ZFHX3: variants seen among roughly 807,000 people sequenced by gnomAD.
ZFHX3 encodes the protein zinc finger homeobox 3.
Under a neutral mutation model 279.1 loss-of-function variants are expected in ZFHX3, and 42 were observed. That is an observed-to-expected ratio of 0.15 (90% CI 0.12 to 0.19). The LOEUF (loss-of-function observed/expected upper bound fraction) is 0.19, where lower values mean the gene tolerates loss of function less well. Ranked by LOEUF, ZFHX3 falls within the 10% of genes least tolerant of loss-of-function variation. ZFHX3 has a pLI of 1.00. For synonymous variants in ZFHX3, 2,293 were observed against 1,957.8 expected (o/e 1.17, Z -4.52); for missense variants, 4,981 against 4,754.0 (o/e 1.05, Z -1.40).
intron 8 of ZFHX3, among the ~76,000 whole-genome samples, chr16:72,798,981 A>T (rs1326801663): frequency 6.6e-6 from 1 of 152,272 alleles, no homozygotes; most frequent in East Asian, 1.9e-4. Flanking sequence ...GACCCATGTC[A>T]TATCACAGAT....
Position 72,968,945 on chromosome 16 carries a change from C to T in ZFHX3, c.-49-8751G>A, listed in dbSNP as rs1961976831. Among the ~76,000 whole-genome samples, 5 of 151,966 alleles carry T rather than the reference C, an allele frequency of 3.3e-5. No homozygotes were observed. In the South Asian group the frequency reaches 8.3e-4, roughly 25 times the overall value. ...ATCAGTATATACATACATACACATA[C>T]ACATATATACACACATATATATGTA... On this transcript the variant is annotated intron_variant, in intron 1 of 9. Transcript: ENST00000268489.
At chr16:73,417,381 G>T (rs553751179) in intron 3 of ZFHX3, among the ~76,000 whole-genome samples, 195 of 145,594 alleles carry the variant, frequency 1.3e-3, no homozygotes, top group Non-Finnish European at 2.4e-3. Context: ...ATTAAGAAAA[G>T]GAATTTTTTC....
chr16:73,683,467 C>T (rs1307959697), intron 1 of ZFHX3, among the ~76,000 whole-genome samples: 1 of 152,146 alleles, frequency 6.6e-6, no homozygotes, highest in African/African-American at 2.4e-5. Flanking sequence ...TGTCTCAAAT[C>T]CCCTGGATAA....
At chr16:73,020,185 A>G (rs1029779155) in intron 1 of ZFHX3, among the ~76,000 whole-genome samples, 1 of 152,214 alleles carries the variant, frequency 6.6e-6, no homozygotes, top group African/African-American at 2.4e-5. Context: ...CAATTACTCT[A>G]CAGAGGCACC....
intron 4 of ZFHX3, among the ~76,000 whole-genome samples, chr16:73,269,140 T>C (rs2014070904): frequency 6.6e-6 from 1 of 152,256 alleles, no homozygotes; most frequent in Non-Finnish European, 1.5e-5. Context: ...TTTATTGATT[T>C]TTGTGCTTTT....
chr16:73,006,536 C>A (rs1963706583), intron 1 of ZFHX3, among the ~76,000 whole-genome samples: 1 of 151,904 alleles, frequency 6.6e-6, no homozygotes, highest in Non-Finnish European at 1.5e-5. Context: ...AGGAAGACTG[C>A]TTGAGCTGGA....
chr16:73,094,468 CT>C (rs939879439), intron 7 of ZFHX3: 2 of 151,788 alleles, frequency 1.3e-5, no homozygotes, highest in African/African-American at 4.8e-5. Flanking sequence ...TTATTCCTGA[CT>C]TTGTAAGTAC....
chr16:73,138,921 G>A (rs1418275806), intron 6 of ZFHX3, among the ~76,000 whole-genome samples: 2 of 152,110 alleles, frequency 1.3e-5, no homozygotes, highest in Non-Finnish European at 2.9e-5. Flanking sequence ...AAACTCCTAG[G>A]CTTACGCAAT....
intron 4 of ZFHX3, among the ~76,000 whole-genome samples, chr16:72,837,207 T>C (rs2037214474): frequency 2.0e-5 from 3 of 152,178 alleles, no homozygotes; most frequent in Admixed American, 6.5e-5. Context: ...TTAATCTCTC[T>C]GCCATGTGAA....
At chr16:73,873,512 A>G (rs970433468) in intron 1 of ZFHX3, among the ~76,000 whole-genome samples, 2 of 152,078 alleles carry the variant, frequency 1.3e-5, no homozygotes, top group African/African-American at 4.8e-5. Context: ...GCTCACACCA[A>G]TGGCTCAGAA....
At chr16:73,619,214 T>A (rs979316185) in intron 2 of ZFHX3, among the ~76,000 whole-genome samples, 5 of 151,940 alleles carry the variant, frequency 3.3e-5, no homozygotes, top group African/African-American at 1.2e-4. Flanking sequence ...TGTGGCCGGG[T>A]GCGGTGGCTC....
intron 1 of ZFHX3, among the ~76,000 whole-genome samples, chr16:72,990,391 C>T (rs1010497891): frequency 6.6e-6 from 1 of 152,230 alleles, no homozygotes; most frequent in Non-Finnish European, 1.5e-5. Context: ...ATCAGTCTCA[C>T]ACATCGTGCC....
At chr16:73,323,396 T>G (rs2015619749) in intron 3 of ZFHX3, among the ~76,000 whole-genome samples, 1 of 152,144 alleles carries the variant, frequency 6.6e-6, no homozygotes, top group Non-Finnish European at 1.5e-5. Flanking sequence ...AGTATGGGAT[T>G]CCTGAAGCCA....
At chr16:72,882,789 T>C (rs2038514953) in intron 4 of ZFHX3, among the ~76,000 whole-genome samples, 1 of 152,126 alleles carries the variant, frequency 6.6e-6, no homozygotes, top group Admixed American at 6.5e-5. Context: ...AGATAATGGC[T>C]CTCAGATTTC....
intron 3 of ZFHX3, among the ~76,000 whole-genome samples, chr16:72,896,369 T>C (rs2038900525): frequency 6.6e-6 from 1 of 152,212 alleles, no homozygotes; most frequent in South Asian, 2.1e-4. Context: ...GGCCCCCATC[T>C]GTCTCTGTGC....
intron 3 of ZFHX3, among the ~76,000 whole-genome samples, chr16:73,351,244 C>T (rs1325811246): frequency 2.0e-5 from 3 of 152,148 alleles, no homozygotes; most frequent in Non-Finnish European, 4.4e-5. Flanking sequence ...ACTGGACAAA[C>T]GCCTTCGTTC....
chr16:72,880,598 A>G (rs968066252), intron 4 of ZFHX3, among the ~76,000 whole-genome samples: 4 of 152,212 alleles, frequency 2.6e-5, no homozygotes, highest in Admixed American at 6.5e-5. Flanking sequence ...ACGGGGGGTG[A>G]AAAATACACA....
At chr16:73,364,472 G>A (rs16971818) in intron 3 of ZFHX3, among the ~76,000 whole-genome samples, 5,878 of 151,958 alleles carry the variant, frequency 0.039, 288 homozygotes, top group African/African-American at 0.11. Context: ...TAGTTCTTTC[G>A]GTCTGGTCAG....
At chr16:73,252,167 A>C (rs946587123) in intron 5 of ZFHX3, among the ~76,000 whole-genome samples, 1 of 152,218 alleles carries the variant, frequency 6.6e-6, no homozygotes, top group African/African-American at 2.4e-5. Context: ...TTGAGTATAA[A>C]ATGCAGGGCT....
Sources: gnomAD v4.1 joint callset for allele counts (sites outside exome capture counted in the v4.1 genomes callset) on GRCh38, gnomAD v4.1.1 for gene constraint, MANE v1.5 for transcripts, NCBI Gene and HGNC (gene_info 2026-07-23, HGNC 2026-07-21) for gene names.